The following COG8 variants were observed in gnomAD, a reference collection of about 807,000 sequenced individuals.
The protein encoded by COG8 is component of oligomeric golgi complex 8.
Under a neutral mutation model 46.5 loss-of-function variants are expected in COG8, and 45 were observed. The ratio of observed to expected loss-of-function variants is 0.97; its 90% CI spans 0.76 to 1.24. The LOEUF is 1.24. COG8 is among the 50% of genes most tolerant of loss of function. The pLI, the probability that COG8 is intolerant of heterozygous loss-of-function variation, is 0.00. For missense variants in COG8, 793 were observed against 820.8 expected (o/e 0.97, Z 0.41); for synonymous variants, 407 against 347.8 (o/e 1.17, Z -1.90).
intron 4 of COG8, 37 bp from the exon 5 acceptor site, chr16:69,331,132 T>C: frequency 1.2e-6 from 2 of 1,610,886 alleles, no homozygotes; most frequent in Non-Finnish European, 1.7e-6. Flanking sequence ...TGGAAAACAG[T>C]TACTAATAAA....
At chr16:69,330,220 C>T in intron 5 of COG8, 1 of 1,453,458 alleles carries the variant, frequency 6.9e-7, no homozygotes, top group South Asian at 1.4e-5. Context: ...GCCGCGGCAC[C>T]CCCAGCTGCG....
chr16:69,332,834 T>C lies in COG8; in HGVS notation c.1462A>G (p.Ser488Gly). The change falls in exon 4 of 6, where the codon AGC (serine) becomes GGC (glycine). Residue 488 changes from serine to glycine, a missense_variant. Coordinates refer to ENST00000306875, the MANE Select transcript of COG8 (RefSeq NM_032382.5). ...ACAAAGAGCTCTTGCTCCCCGCTGC[T>C]GAAGGCAGCCTCTTCAGCGCGATGG... The part of the protein sequence containing the change: ...AFHRAEEAAF[S>G]SGEQELFVQF... 6.2e-7 allele frequency: 1 copy of C among 1,614,242 alleles called. No individual in the cohort carries two copies. The highest frequency in any genetic ancestry group is 8.5e-7 in the Non-Finnish European group (1 of 1,180,032).
chr16:69,331,490 GA>G (rs1286665443), intron 4 of COG8, among the ~76,000 whole-genome samples: 3 of 143,712 alleles, frequency 2.1e-5, no homozygotes, highest in East Asian at 4.0e-4. Context: ...AAATTTAAGG[GA>G]AAAAAAACGA....
intron 2 of COG8, among the ~76,000 whole-genome samples, chr16:69,336,282 G>A (rs886481124): frequency 6.6e-6 from 1 of 152,144 alleles, no homozygotes; most frequent in Non-Finnish European, 1.5e-5. Flanking sequence ...CTGCATGAGA[G>A]CCAGGACCAC....
At chr16:69,330,482 C>T in intron 5 of COG8, 1 of 1,472,926 alleles carries the variant, frequency 6.8e-7, no homozygotes, top group Non-Finnish European at 8.9e-7. Flanking sequence ...CGTGGAGCTG[C>T]AAGCCCGGAC....
At chr16:69,332,966 TG>T in intron 3 of COG8, 84 bp from the exon 4 acceptor site, 1 of 1,296,124 alleles carries the variant, frequency 7.7e-7, no homozygotes, top group Admixed American at 1.7e-5. Context: ...AAAAAATGTA[TG>T]CCCCTCCAGT....
Position 69,334,508 on chromosome 16 carries a change from A to G in COG8, c.1413+13T>C. On this transcript the variant is annotated intron_variant, in intron 3 of 5. Coordinates refer to ENST00000306875, the MANE Select transcript of COG8 (RefSeq NM_032382.5). ...AGGCCCAGGGTAGCAGAAAACCAACAGAATGTGCTCACCTTGGCAAGGGCA... is the reference window on the plus strand; with the variant it reads ...AGGCCCAGGGTAGCAGAAAACCAACGGAATGTGCTCACCTTGGCAAGGGCA... 6.2e-7 allele frequency: 1 copy of G among 1,612,280 alleles called. No individual in the cohort carries two copies. Among genetic ancestry groups the G allele is most frequent in the Non-Finnish European group, 8.5e-7 (1 of 1,178,482 alleles).
chr16:69,330,651 A>G, intron 5 of COG8, 162 bp downstream of exon 5: 2 of 1,406,242 alleles, frequency 1.4e-6, no homozygotes, highest in Non-Finnish European at 1.8e-6. Context: ...CGGCCAGCAC[A>G]CAGCGAAGCC....
At position 69,328,878 on chromosome 16, in the gene COG8, T is replaced by C; in HGVS notation, c.*328A>G. The C allele has an allele frequency of 9.3e-7, 1 of 1,074,604 alleles. No homozygotes were observed. The highest frequency in any genetic ancestry group is 1.3e-6 in the Non-Finnish European group (1 of 758,286). The allele number at this position is 1,074,604 out of a possible 1,614,324, so 66.6% of individuals were successfully genotyped here. ...AGGGCAAACATTTCTGACATCTTCC[T>C]CCAGCTCAGTCTGCCATGCCTTGGC... On this transcript the variant is annotated 3_prime_UTR_variant, in exon 6 of 6. Coordinates refer to ENST00000306875, the MANE Select transcript of COG8 (RefSeq NM_032382.5).
chr16:69,336,500 G>T lies in COG8; in HGVS notation c.585+5C>A. 1 of 1,613,750 alleles carries T rather than the reference G, an allele frequency of 6.2e-7. No individual in the cohort carries two copies. Among genetic ancestry groups the T allele is most frequent in the Non-Finnish European group, 8.5e-7 (1 of 1,179,836 alleles). On this transcript the variant is annotated splice_donor_5th_base_variant and intron_variant, in intron 2 of 5. Transcript: ENST00000306875. ...CTTTGAGTCCTCTCTGGGCAAGGTG[G>T]CTACCTGGATGACAGGGATGGAAGA... is the stretch of plus-strand genomic sequence containing the variant.
At chr16:69,330,548 A>G (rs554777002) in intron 5 of COG8, 2 of 1,474,738 alleles carry the variant, frequency 1.4e-6, no homozygotes, top group East Asian at 2.9e-5. Context: ...CCAAAGACTC[A>G]GCGCGCCCCA....
chr16:69,339,195 T>G lies in COG8; in HGVS notation c.358A>C (p.Ser120Arg). 1 of 1,612,948 alleles carries G rather than the reference T, an allele frequency of 6.2e-7. No homozygotes were observed. Among genetic ancestry groups the G allele is most frequent in the Non-Finnish European group, 8.5e-7 (1 of 1,179,920 alleles). ...TCGCACCTGCAGCTCTGCTGGAAGC[T>G]GGGCAAACGGTCGAGCAGGCGGCCG... ...SLGRLLDRLP[S>R]FQQSCRNFVK... The change falls in exon 1 of 6, where the codon AGC becomes CGC. Residue 120 changes from serine to arginine, a missense_variant. Ser to Arg is a moderately radical substitution (Grantham distance 110). Coordinates refer to ENST00000306875, the MANE Select transcript of COG8 (RefSeq NM_032382.5).
chr16:69,331,187 C>T, intron 4 of COG8, 92 bp from the exon 5 acceptor site: 1 of 1,429,202 alleles, frequency 7.0e-7, no homozygotes, highest in South Asian at 1.2e-5. Context: ...GTGGCTCACG[C>T]CTGTAATCCC....
intron 5 of COG8, chr16:69,330,304 C>T (rs756834324): frequency 7.7e-6 from 11 of 1,433,148 alleles, no homozygotes; most frequent in African/African-American, 1.5e-5. Flanking sequence ...GCAGCTCGGG[C>T]CCGCCTAGCT....
intron 4 of COG8, among the ~76,000 whole-genome samples, chr16:69,331,615 G>A (rs2011852775): frequency 6.6e-6 from 1 of 151,672 alleles, no homozygotes; most frequent in Non-Finnish European, 1.5e-5. Flanking sequence ...CAGTTCTCAT[G>A]CCTCAGCCTC....
At chr16:69,330,602 C>T in intron 5 of COG8, 1 of 1,417,728 alleles carries the variant, frequency 7.1e-7, no homozygotes, top group Non-Finnish European at 9.1e-7. Context: ...CCGGCCCGCC[C>T]CTTCCGGCCG....
chr16:69,328,798 T>C lies in COG8; in HGVS notation c.*408A>G. Reference sequence around the variant, plus strand: ...AATTGTTAGGAAATGTCCACTCCTTTGGGGGTGATTTTTCTCCTCAAGTTG... The same window carrying C: ...AATTGTTAGGAAATGTCCACTCCTTCGGGGGTGATTTTTCTCCTCAAGTTG... On this transcript the variant is annotated 3_prime_UTR_variant, in exon 6 of 6. Transcript: ENST00000306875. The C allele has an allele frequency of 1.8e-6, 1 of 565,584 alleles. No individual in the cohort carries two copies. The highest frequency in any genetic ancestry group is 3.0e-6 in the Non-Finnish European group (1 of 331,282). The allele number at this position is 565,584 out of a possible 1,614,324, so 35.0% of individuals were successfully genotyped here.
At chr16:69,336,074 C>A (rs1264932368) in intron 2 of COG8, among the ~76,000 whole-genome samples, 3 of 152,176 alleles carry the variant, frequency 2.0e-5, no homozygotes, top group Non-Finnish European at 4.4e-5. Flanking sequence ...CTCCCCAGAT[C>A]TTTGTGGGCT....
Position 69,334,504 on chromosome 16 carries a change from C to T in COG8, c.1413+17G>A, listed in dbSNP as rs753646269. The stretch of plus-strand genomic sequence containing the variant: ...GAGAAGGCCCAGGGTAGCAGAAAAC[C>T]AACAGAATGTGCTCACCTTGGCAAG... On this transcript the variant is annotated intron_variant, in intron 3 of 5. Transcript: ENST00000306875. 2 of 1,611,098 alleles carry T rather than the reference C, an allele frequency of 1.2e-6. No individual in the cohort carries two copies. Among genetic ancestry groups the T allele is most frequent in the African/African-American group, 1.3e-5 (1 of 74,874 alleles).
Sources: gnomAD v4.1 joint callset for allele counts (sites outside exome capture counted in the v4.1 genomes callset) on GRCh38, gnomAD v4.1.1 for gene constraint, MANE v1.5 for transcripts, NCBI Gene and HGNC (gene_info 2026-07-23, HGNC 2026-07-21) for gene names.